Variants in CCBE1 observed in about 807,000 individuals in gnomAD.
CCBE1 encodes collagen and calcium binding EGF domains 1.
Under a neutral mutation model 50.0 loss-of-function variants are expected in CCBE1, and 37 were observed. The ratio of observed to expected loss-of-function variants is 0.74; its 90% CI spans 0.57 to 0.97. CCBE1 has a LOEUF of 0.97. CCBE1 is among the 50% of genes least tolerant of loss of function. CCBE1 has a pLI of 0.00. For synonymous variants in CCBE1, 234 were observed against 203.7 expected (o/e 1.15, Z -1.27); for missense variants, 538 against 523.8 (o/e 1.03, Z -0.26).
rs117419226 is a variant in CCBE1, at chr18:59,596,732, G to A, written c.212+99897C>T. ...GAAACCTTCTGTCCATTTCCATCAC[G>A]TAGCAAAGGCTTGACTGTGACCCGA... On this transcript the variant is annotated intron_variant, in intron 2 of 10. Coordinates refer to ENST00000439986, the MANE Select transcript of CCBE1 (RefSeq NM_133459.4). 9.3e-3 allele frequency among the ~76,000 whole-genome samples: 1,421 copies of A among 152,280 alleles called. 14 individuals carry two copies. Among genetic ancestry groups the A allele is most frequent in the South Asian group, 0.038 (181 of 4,824 alleles).
Position 59,523,942 on chromosome 18 carries a change from A to T in CCBE1, c.213-43704T>A, listed in dbSNP as rs1914711468. On this transcript the variant is annotated intron_variant, in intron 2 of 10. Transcript: ENST00000439986. ...TTTGATTTAAAGAAATCTTTCTGTG[A>T]CTATCTGAACTTCTCCACCCAGGAG... 2.6e-5 allele frequency among the ~76,000 whole-genome samples: 4 copies of T among 152,322 alleles called. No individual in the cohort carries two copies. The South Asian group carries it at 8.3e-4, about 32-fold the overall frequency.
intron 2 of CCBE1, among the ~76,000 whole-genome samples, chr18:59,678,099 G>T (rs879472619): frequency 6.6e-6 from 1 of 152,154 alleles, no homozygotes; most frequent in African/African-American, 2.4e-5. Context: ...TGCGGTAGTC[G>T]TAAGCATGTA....
intron 2 of CCBE1, among the ~76,000 whole-genome samples, chr18:59,484,031 C>T (rs1175927048): frequency 1.3e-5 from 2 of 152,096 alleles, no homozygotes; most frequent in Non-Finnish European, 2.9e-5. Flanking sequence ...CCAAGAGAAG[C>T]CCATGAAGAT....
intron 2 of CCBE1, among the ~76,000 whole-genome samples, chr18:59,613,213 C>T (rs867471332): frequency 5.9e-5 from 9 of 152,040 alleles, no homozygotes; most frequent in African/African-American, 1.2e-4. Context: ...AGGATAACTA[C>T]GCAACTACAT....
At chr18:59,485,198 T>C (rs1912757680) in intron 2 of CCBE1, among the ~76,000 whole-genome samples, 2 of 152,190 alleles carry the variant, frequency 1.3e-5, no homozygotes, top group Non-Finnish European at 2.9e-5. Context: ...GGGTGATATC[T>C]TGTAATCAAG....
chr18:59,482,646 T>G (rs953108968), intron 2 of CCBE1, among the ~76,000 whole-genome samples: 1 of 152,198 alleles, frequency 6.6e-6, no homozygotes, highest in East Asian at 1.9e-4. Context: ...GTTGGTTAAA[T>G]GGACCTATAT....
intron 2 of CCBE1, among the ~76,000 whole-genome samples, chr18:59,549,795 G>A (rs1275010563): frequency 6.6e-6 from 1 of 152,224 alleles, no homozygotes; most frequent in Non-Finnish European, 1.5e-5. Flanking sequence ...GTCAGTGATT[G>A]CACTGAAATT....
intron 2 of CCBE1, among the ~76,000 whole-genome samples, chr18:59,560,556 T>C (rs1310624270): frequency 6.6e-6 from 1 of 152,140 alleles, no homozygotes; most frequent in Non-Finnish European, 1.5e-5. Flanking sequence ...CCATGGCACA[T>C]GTATACCTAT....
chr18:59,534,868 G>C (rs1467193549), intron 2 of CCBE1, among the ~76,000 whole-genome samples: 1 of 152,216 alleles, frequency 6.6e-6, no homozygotes, highest in Non-Finnish European at 1.5e-5. Context: ...TGAGCATGAG[G>C]AGGGAAGGAT....
At chr18:59,548,088 A>C (rs1915776197) in intron 2 of CCBE1, among the ~76,000 whole-genome samples, 1 of 152,228 alleles carries the variant, frequency 6.6e-6, no homozygotes, top group Admixed American at 6.5e-5. Context: ...CTGCTGGATG[A>C]AATGTTCAAG....
intron 2 of CCBE1, among the ~76,000 whole-genome samples, chr18:59,678,468 T>C (rs2054539205): frequency 6.6e-6 from 1 of 152,198 alleles, no homozygotes; most frequent in South Asian, 2.1e-4. Flanking sequence ...TATCAGAATA[T>C]TAAGAACAGA....
chr18:59,517,682 A>G (rs1048380227), intron 2 of CCBE1, among the ~76,000 whole-genome samples: 2 of 152,202 alleles, frequency 1.3e-5, no homozygotes, highest in Non-Finnish European at 2.9e-5. Flanking sequence ...ACTCATTTAT[A>G]AGCACCACTT....
chr18:59,443,526 G>A (rs972082110), intron 7 of CCBE1, among the ~76,000 whole-genome samples: 4 of 151,370 alleles, frequency 2.6e-5, no homozygotes, highest in African/African-American at 7.3e-5. Flanking sequence ...GAGTGCAGTG[G>A]TGCAATCTCG....
intron 2 of CCBE1, among the ~76,000 whole-genome samples, chr18:59,626,007 C>T (rs2144616261): frequency 6.6e-6 from 1 of 152,248 alleles, no homozygotes; most frequent in Non-Finnish European, 1.5e-5. Flanking sequence ...TACCCAGTCT[C>T]AAGTATTTTG....
chr18:59,599,387 G>T (rs924662641), intron 2 of CCBE1, among the ~76,000 whole-genome samples: 1 of 152,118 alleles, frequency 6.6e-6, no homozygotes, highest in Non-Finnish European at 1.5e-5. Context: ...AATCCATCAG[G>T]CATCTAGAAT....
At chr18:59,621,855 T>G (rs1478372752) in intron 2 of CCBE1, among the ~76,000 whole-genome samples, 1 of 152,200 alleles carries the variant, frequency 6.6e-6, no homozygotes, top group Non-Finnish European at 1.5e-5. Context: ...ATCAGCAGCT[T>G]AACTCCACTC....
chr18:59,695,078 G>A (rs1156947693), intron 2 of CCBE1, among the ~76,000 whole-genome samples: 1 of 152,184 alleles, frequency 6.6e-6, no homozygotes, highest in Admixed American at 6.5e-5. Context: ...AAACAATCAG[G>A]CACCAAATGG....
chr18:59,496,716 C>G (rs1262903086), intron 2 of CCBE1, among the ~76,000 whole-genome samples: 1 of 152,202 alleles, frequency 6.6e-6, no homozygotes, highest in Non-Finnish European at 1.5e-5. Context: ...TGTCCAAGAT[C>G]CAGAATCCAG....
At chr18:59,465,751 T>C (rs1259534365) in intron 5 of CCBE1, 2 of 152,228 alleles carry the variant, frequency 1.3e-5, no homozygotes, top group Non-Finnish European at 2.9e-5. Flanking sequence ...TGGATACAGA[T>C]TGTTTACCTT....
Sources: allele counts gnomAD v4.1 joint callset (sites outside exome capture counted in the v4.1 genomes callset), GRCh38; gene constraint gnomAD v4.1.1; transcripts MANE v1.5; gene names NCBI Gene and HGNC (gene_info 2026-07-23, HGNC 2026-07-21).